Variants in HDAC9 observed in about 807,000 individuals in gnomAD.
HDAC9 encodes histone deacetylase 9, also known as MEF-2 interacting transcription repressor (MITR) protein.
Under a neutral mutation model 139.4 loss-of-function variants are expected in HDAC9, and 41 were observed. The observed-to-expected ratio is 0.29, with a 90% confidence interval of 0.23 to 0.38. The LOEUF is 0.38. Ranked by LOEUF, HDAC9 falls within the 10% of genes least tolerant of loss-of-function variation. The pLI, the probability that HDAC9 is intolerant of heterozygous loss-of-function variation, is 1.00. For synonymous variants in HDAC9, 517 were observed against 476.2 expected (o/e 1.09, Z -1.12); for missense variants, 1,147 against 1,297.0 (o/e 0.88, Z 1.78).
chr7:18,289,022 T>A (rs764285086), upstream of HDAC9, among the ~76,000 whole-genome samples: 24 of 152,336 alleles, frequency 1.6e-4, 1 homozygote, highest in Middle Eastern at 0.01. Context: ...CTTCTAGAAC[T>A]GTGTCTTTTC....
chr7:18,320,457 T>C (rs1050192343), intron 1 of HDAC9, among the ~76,000 whole-genome samples: 1 of 152,180 alleles, frequency 6.6e-6, no homozygotes, highest in African/African-American at 2.4e-5. Context: ...TTGAAAGATG[T>C]GTTGCTGCAG....
chr7:18,150,899 G>T (rs927586886), intron 1 of HDAC9, among the ~76,000 whole-genome samples: 4 of 152,180 alleles, frequency 2.6e-5, no homozygotes, highest in African/African-American at 9.6e-5. Flanking sequence ...AAAAGAAATG[G>T]TTGCCTGGAA....
At chr7:18,803,218 T>C (rs1369332877) in intron 17 of HDAC9, among the ~76,000 whole-genome samples, 3 of 152,120 alleles carry the variant, frequency 2.0e-5, no homozygotes, top group Non-Finnish European at 2.9e-5. Flanking sequence ...CTATCTTTTT[T>C]TTCCCACCAA....
intron 22 of HDAC9, among the ~76,000 whole-genome samples, chr7:18,908,038 G>A (rs1349106494): frequency 6.6e-6 from 1 of 151,924 alleles, no homozygotes; most frequent in Non-Finnish European, 1.5e-5. Context: ...TTACAATATA[G>A]TAGAAAAACA....
chr7:18,553,776 C>T (rs1817870847), intron 2 of HDAC9, among the ~76,000 whole-genome samples: 1 of 152,168 alleles, frequency 6.6e-6, no homozygotes, highest in East Asian at 1.9e-4. Flanking sequence ...ATCTTACCTA[C>T]GAGCATCCTA....
chr7:18,303,526 C>T (rs1340006771), intron 1 of HDAC9, among the ~76,000 whole-genome samples: 1 of 151,976 alleles, frequency 6.6e-6, no homozygotes, highest in Non-Finnish European at 1.5e-5. Flanking sequence ...GGATTAAAGG[C>T]TTGAACCACC....
At chr7:18,449,918 G>A (rs1792659599) in intron 1 of HDAC9, among the ~76,000 whole-genome samples, 1 of 151,970 alleles carries the variant, frequency 6.6e-6, no homozygotes, top group Non-Finnish European at 1.5e-5. Flanking sequence ...ATTAGAATCA[G>A]ACTTTTAAAA....
chr7:18,534,557 TAGAG>T (rs957411475), intron 2 of HDAC9, among the ~76,000 whole-genome samples: 2 of 151,980 alleles, frequency 1.3e-5, no homozygotes, highest in Non-Finnish European at 2.9e-5. Context: ...AAAAAAAATT[TAGAG>T]AGAGAGAGAA....
intron 21 of HDAC9, among the ~76,000 whole-genome samples, chr7:18,865,703 C>T (rs978131328): frequency 1.3e-5 from 2 of 152,152 alleles, no homozygotes; most frequent in African/African-American, 4.8e-5. Context: ...GTGCTGCCTT[C>T]ACCACTTTGG....
chr7:18,706,091 T>C (rs1442417574), intron 12 of HDAC9, among the ~76,000 whole-genome samples: 1 of 151,482 alleles, frequency 6.6e-6, no homozygotes, highest in African/African-American at 2.4e-5. Flanking sequence ...GTCCCATCTT[T>C]CTTGCCTTAA....
At chr7:18,702,118 G>A (rs1445735174) in intron 12 of HDAC9, among the ~76,000 whole-genome samples, 1 of 152,192 alleles carries the variant, frequency 6.6e-6, no homozygotes, top group African/African-American at 2.4e-5. Context: ...CGTGGCTGTA[G>A]GTTAGTCGGA....
chr7:18,622,046 A>G (rs752957937), intron 6 of HDAC9, among the ~76,000 whole-genome samples: 11 of 152,226 alleles, frequency 7.2e-5, no homozygotes, highest in Non-Finnish European at 1.6e-4. Flanking sequence ...GTGATAGATT[A>G]TAATAAGTAT....
intron 23 of HDAC9, among the ~76,000 whole-genome samples, chr7:18,944,715 T>C (rs974944135): frequency 3.3e-5 from 5 of 152,118 alleles, no homozygotes; most frequent in African/African-American, 1.2e-4. Flanking sequence ...CTAACTAGTA[T>C]CCCCTTTCTC....
chr7:18,227,398 G>A (rs1350259463), intron 2 of HDAC9, among the ~76,000 whole-genome samples: 2 of 152,146 alleles, frequency 1.3e-5, no homozygotes, highest in African/African-American at 2.4e-5. Flanking sequence ...GGAGGAGAAA[G>A]GAAAGTTTAA....
chr7:18,766,939 A>G (rs570480351), intron 15 of HDAC9, among the ~76,000 whole-genome samples, 167 bp from the exon 16 acceptor site: 1 of 152,328 alleles, frequency 6.6e-6, no homozygotes, highest in East Asian at 1.9e-4. Context: ...CAGAACAATG[A>G]TATTCTGAAA....
intron 17 of HDAC9, among the ~76,000 whole-genome samples, chr7:18,816,221 C>G: frequency 6.6e-6 from 1 of 152,182 alleles, no homozygotes; most frequent in East Asian, 1.9e-4. Context: ...CTTTAGTAGA[C>G]ATATGCATTT....
intron 1 of HDAC9, among the ~76,000 whole-genome samples, chr7:18,341,509 G>A (rs569929762): frequency 9.9e-5 from 15 of 151,334 alleles, no homozygotes; most frequent in Non-Finnish European, 5.9e-5. Context: ...TTTTTCCTGC[G>A]ATATCTAATT....
chr7:18,359,687 T>C (rs566574238), intron 1 of HDAC9, among the ~76,000 whole-genome samples: 2 of 152,194 alleles, frequency 1.3e-5, no homozygotes, highest in African/African-American at 2.4e-5. Context: ...CAGCTCACTG[T>C]AACCTCTGCC....
At chr7:18,965,615 A>G (rs1381522448) in intron 24 of HDAC9, among the ~76,000 whole-genome samples, 1 of 152,250 alleles carries the variant, frequency 6.6e-6, no homozygotes, top group African/African-American at 2.4e-5. Flanking sequence ...CCTTGTAGGT[A>G]TCTAGAGTTT....
Sources: allele counts gnomAD v4.1 joint callset (sites outside exome capture counted in the v4.1 genomes callset), GRCh38; gene constraint gnomAD v4.1.1; transcripts MANE v1.5; gene names NCBI Gene and HGNC (gene_info 2026-07-23, HGNC 2026-07-21).